Variants in KLHDC10 observed in about 807,000 individuals in gnomAD.
KLHDC10 encodes kelch domain containing 10, also known as kelch domain-containing protein 10.
A neutral mutation model predicts 56.1 loss-of-function variants in KLHDC10; 24 were observed. The observed-to-expected ratio is 0.43, with a 90% CI of 0.31 to 0.60. KLHDC10 has a LOEUF of 0.60. Ranked by LOEUF, KLHDC10 falls within the 20% of genes least tolerant of loss-of-function variation. The pLI is 0.11. For missense variants in KLHDC10, 349 were observed against 567.0 expected (o/e 0.62, Z 3.91); for synonymous variants, 188 against 207.1 (o/e 0.91, Z 0.79).
chr7:130,126,033 A>G, intron 7 of KLHDC10, 102 bp downstream of exon 7: 1 of 840,514 alleles, frequency 1.2e-6, no homozygotes, highest in African/African-American at 1.8e-5. Flanking sequence ...ATGTCAAGTT[A>G]AATACCTGTT....
chr7:130,111,694 C>CTT (rs1796103578), intron 2 of KLHDC10, among the ~76,000 whole-genome samples: 1 of 151,834 alleles, frequency 6.6e-6, no homozygotes, highest in Non-Finnish European at 1.5e-5. Context: ...CTCACTCAGC[C>CTT]TGAGCGACAG....
intron 1 of KLHDC10, among the ~76,000 whole-genome samples, chr7:130,077,213 T>C (rs1328262181): frequency 6.6e-6 from 1 of 151,132 alleles, no homozygotes; most frequent in African/African-American, 2.4e-5. Context: ...AACTTAGCCG[T>C]TCTTGGTGGC....
rs561902357 is a variant in KLHDC10, at chr7:130,127,341, A to G, written c.932-63A>G. The G allele has an allele frequency of 7.7e-6, 10 of 1,303,678 alleles. No individual in the cohort carries two copies. The South Asian group carries it at 8.3e-5, about 11-fold the overall frequency. The allele number at this position is 1,303,678 out of a possible 1,614,324, so 80.8% of individuals were successfully genotyped here. A position where few individuals can be genotyped will look rare whatever the true frequency, so the allele number is the denominator to read the frequency against. On this transcript the variant is annotated intron_variant, in intron 7 of 9. Coordinates refer to ENST00000335420, the MANE Select transcript of KLHDC10 (RefSeq NM_014997.4). ...CACGTAGTGTGTCTTTCACTGTGTT[A>G]TATCAGTGTGGTTCCCAGTCTTTCT...
chr7:130,115,714 CA>C (rs11451164), intron 2 of KLHDC10, among the ~76,000 whole-genome samples: 43 of 100,240 alleles, frequency 4.3e-4, no homozygotes, highest in South Asian at 1.5e-3. Context: ...GACTTGGTCT[CA>C]AAAAAAAAAA....
chr7:130,085,092 T>A (rs1226020626), intron 1 of KLHDC10, among the ~76,000 whole-genome samples: 2 of 151,976 alleles, frequency 1.3e-5, no homozygotes, highest in Non-Finnish European at 2.9e-5. Context: ...ATGCCTGTAA[T>A]CCCAGCACTT....
chr7:130,105,888 G>T (rs1484485664), intron 2 of KLHDC10, among the ~76,000 whole-genome samples: 1 of 152,184 alleles, frequency 6.6e-6, no homozygotes, highest in Admixed American at 6.5e-5. Context: ...GGTGGCTCAC[G>T]CCTGTAATCC....
chr7:130,122,956 T>C (rs1487035073), intron 5 of KLHDC10, among the ~76,000 whole-genome samples: 1 of 152,126 alleles, frequency 6.6e-6, no homozygotes, highest in Non-Finnish European at 1.5e-5. Context: ...CAGTGAATGT[T>C]GATTGGATAG....
At chr7:130,110,381 A>G (rs1796084638) in intron 2 of KLHDC10, among the ~76,000 whole-genome samples, 1 of 152,258 alleles carries the variant, frequency 6.6e-6, no homozygotes, top group African/African-American at 2.4e-5. Context: ...AATTTGTTCT[A>G]AATATTGAAA....
At chr7:130,072,026 A>G (rs1000869257) in intron 1 of KLHDC10, among the ~76,000 whole-genome samples, 2 of 152,220 alleles carry the variant, frequency 1.3e-5, no homozygotes, top group Admixed American at 6.5e-5. Flanking sequence ...GTCATATAAT[A>G]TACCAGAAGT....
intron 9 of KLHDC10, among the ~76,000 whole-genome samples, chr7:130,129,947 C>G (rs1429451972): frequency 1.1e-4 from 16 of 152,078 alleles, no homozygotes; most frequent in Admixed American, 1.0e-3. Flanking sequence ...CAGTATTTGG[C>G]ATCTTGGATA....
chr7:130,097,043 T>C, intron 2 of KLHDC10, 36 bp downstream of exon 2: 2 of 1,410,748 alleles, frequency 1.4e-6, no homozygotes. Context: ...GTGCTTCGTA[T>C]GGGTTAAAGG....
In KLHDC10 at chr7:130,130,392, C is replaced by G. The variant is rs566616401; in HGVS notation, c.1120-145C>G. The G allele has an allele frequency of 4.5e-4, 275 of 610,244 alleles. No homozygotes were observed. The African/African-American group carries it at 5.0e-3, about 11-fold the overall frequency. 37.8% of individuals were successfully genotyped at this position (610,244 alleles called of 1,614,324 possible). On this transcript the variant is annotated intron_variant, in intron 9 of 9. Coordinates refer to ENST00000335420, the MANE Select transcript of KLHDC10 (RefSeq NM_014997.4). The surrounding 1 kb of genome is among the most constrained non-coding windows in gnomAD (Gnocchi z 4.2). The stretch of plus-strand genomic sequence containing the variant: ...GTAATTCATTAATTATTTAAACCCT[C>G]TTGATCTCCACATGGTATTGGGATC...
rs1394499322 is a variant in KLHDC10, at chr7:130,134,683, A to T, written c.*3937A>T. 1 of 152,124 alleles carries T rather than the reference A, an allele frequency of 6.6e-6. No homozygotes were observed. Among genetic ancestry groups the T allele is most frequent in the Admixed American group, 6.6e-5 (1 of 15,260 alleles). 9.4% of individuals were successfully genotyped at this position (152,124 alleles called of 1,614,324 possible). ...TTTAGAAAGTGGCACAGGTTACTGA[A>T]TTGTCTACCTGCCAGCATTCTGATA... is the stretch of plus-strand genomic sequence containing the variant. On this transcript the variant is annotated 3_prime_UTR_variant, in exon 10 of 10. Transcript: ENST00000335420.
intron 1 of KLHDC10, among the ~76,000 whole-genome samples, chr7:130,092,102 G>A (rs1023280155): frequency 1.3e-5 from 2 of 152,120 alleles, no homozygotes; most frequent in African/African-American, 4.8e-5. Context: ...GTTTACTTTT[G>A]GACTCTCAAT....
intron 1 of KLHDC10, among the ~76,000 whole-genome samples, chr7:130,078,331 G>A (rs1318327215): frequency 2.0e-5 from 3 of 151,374 alleles, no homozygotes; most frequent in South Asian, 4.2e-4. Context: ...CAAAGATTGC[G>A]CTATTGCACT....
intron 2 of KLHDC10, among the ~76,000 whole-genome samples, chr7:130,097,233 A>C (rs1051987437): frequency 6.6e-6 from 1 of 152,190 alleles, no homozygotes; most frequent in Admixed American, 6.5e-5. Context: ...GTATTATTAG[A>C]TGGTAGAGAT....
At chr7:130,129,111 T>A (rs1563107778) in intron 8 of KLHDC10, among the ~76,000 whole-genome samples, 1 of 151,750 alleles carries the variant, frequency 6.6e-6, no homozygotes. Flanking sequence ...TCCTGAGACT[T>A]CTGTTTGTTT....
At position 130,130,299 on chromosome 7, in the gene KLHDC10, G is replaced by A. The variant is rs1796381514; in HGVS notation, c.1120-238G>A. The stretch of plus-strand genomic sequence containing the variant: ...ATTGCGCCACTGCACTCCAGCCTGG[G>A]CGACAGAGTGAGACTCTGTCTCAAA... On this transcript the variant is annotated intron_variant, in intron 9 of 9. Transcript: ENST00000335420. This position sits in a 1 kb window ranked among gnomAD's most constrained non-coding sequence, Gnocchi z 4.2. Among the ~76,000 whole-genome samples, 1 of 146,306 alleles carries A rather than the reference G, an allele frequency of 6.8e-6. No homozygotes were observed. Among genetic ancestry groups the A allele is most frequent in the Admixed American group, 6.8e-5 (1 of 14,622 alleles).
chr7:130,075,679 T>C (rs1478233840), intron 1 of KLHDC10, among the ~76,000 whole-genome samples: 1 of 152,232 alleles, frequency 6.6e-6, no homozygotes, highest in Non-Finnish European at 1.5e-5. Context: ...AGGATAAATT[T>C]GTAGAAGTAC....
Sources: gnomAD v4.1 joint callset for allele counts (sites outside exome capture counted in the v4.1 genomes callset) on GRCh38, gnomAD v4.1.1 for gene constraint, Gnocchi (gnomAD v3.1) non-coding constraint, MANE v1.5 for transcripts, NCBI Gene and HGNC (gene_info 2026-07-23, HGNC 2026-07-21) for gene names.